Variants in PSMD1 observed in about 807,000 individuals in gnomAD.
PSMD1 encodes proteasome 26S subunit, non-ATPase 1.
PSMD1 carries 18 observed loss-of-function variants against 119.0 expected under a neutral mutation model. That is an observed-to-expected ratio of 0.15 (90% CI 0.10 to 0.22). The LOEUF (loss-of-function observed/expected upper bound fraction) is 0.22. Ranked by LOEUF, PSMD1 falls within the 10% of genes least tolerant of loss-of-function variation. PSMD1 has a pLI of 1.00. For synonymous variants in PSMD1, 374 were observed against 396.6 expected, an observed-to-expected ratio of 0.94 and a Z score of 0.68; for missense variants, 702 against 1,158.5, an observed-to-expected ratio of 0.61 and a Z score of 5.72.
chr2:231,109,670 A>G (rs1695089525), intron 16 of PSMD1, among the ~76,000 whole-genome samples: 2 of 152,242 alleles, frequency 1.3e-5, no homozygotes, highest in African/African-American at 4.8e-5. Context: ...TAGTATATCC[A>G]TGATACAGTG....
chr2:231,074,135 A>C, intron 7 of PSMD1, among the ~76,000 whole-genome samples: 1 of 152,096 alleles, frequency 6.6e-6, no homozygotes, highest in South Asian at 2.1e-4. Flanking sequence ...ACAGAGTCTC[A>C]GTCTTGTCAC....
intron 18 of PSMD1, among the ~76,000 whole-genome samples, chr2:231,146,814 C>G (rs994275747): frequency 6.6e-6 from 1 of 152,186 alleles, no homozygotes; most frequent in African/African-American, 2.4e-5. Context: ...GAAATGAGTA[C>G]ATCCACATTC....
intron 16 of PSMD1, among the ~76,000 whole-genome samples, chr2:231,098,192 G>T (rs139972683): frequency 3.9e-5 from 6 of 152,184 alleles, no homozygotes; most frequent in African/African-American, 1.4e-4. Flanking sequence ...ATTTTTGATA[G>T]GAAAGCTACA....
intron 18 of PSMD1, among the ~76,000 whole-genome samples, chr2:231,151,376 G>A (rs1016195993): frequency 1.3e-5 from 2 of 152,078 alleles, no homozygotes; most frequent in Admixed American, 6.6e-5. Flanking sequence ...GAAATTTAAT[G>A]TATGTCCTAA....
intron 16 of PSMD1, among the ~76,000 whole-genome samples, chr2:231,129,552 A>G (rs1447293179): frequency 1.3e-5 from 2 of 152,238 alleles, no homozygotes; most frequent in African/African-American, 2.4e-5. Context: ...TCTGAAGTCC[A>G]GGAAGATGAC....
At chr2:231,171,957 A>G (rs1696923888) in intron 24 of PSMD1, among the ~76,000 whole-genome samples, 2 of 152,192 alleles carry the variant, frequency 1.3e-5, no homozygotes, top group Non-Finnish European at 2.9e-5. Flanking sequence ...CTGACTAGCA[A>G]TTTAGGAAAG....
intron 16 of PSMD1, among the ~76,000 whole-genome samples, chr2:231,096,798 G>C (rs1559228462): frequency 6.6e-6 from 1 of 152,184 alleles, no homozygotes. Context: ...AGACCGCACA[G>C]GCTAAACTAA....
rs2125190120 is a variant in PSMD1 at position 231,097,996 on chromosome 2, C to G, written c.1883+10815C>G. Among the ~76,000 whole-genome samples, 3 of 152,326 alleles carry G rather than the reference C, an allele frequency of 2.0e-5. No individual in the cohort carries two copies. The South Asian group carries it at 6.2e-4, about 32-fold the overall frequency. ...TTAAGCTCACTGCATCCCTTCAGGT[C>G]TCCAAGGAATGCTAAGTTTCCTCCC... On this transcript the variant is annotated intron_variant, in intron 16 of 24. Coordinates refer to ENST00000308696, the MANE Select transcript of PSMD1 (RefSeq NM_002807.4).
At chr2:231,123,714 G>T (rs1294852919) in intron 16 of PSMD1, 3 of 1,613,928 alleles carry the variant, frequency 1.9e-6, no homozygotes, top group South Asian at 1.1e-5. Flanking sequence ...TCTGCAAAAT[G>T]TGCTCAGGAA....
chr2:231,061,965 A>G (rs190106150), intron 2 of PSMD1, among the ~76,000 whole-genome samples: 65 of 152,340 alleles, frequency 4.3e-4, no homozygotes, highest in African/African-American at 1.3e-3. Flanking sequence ...AAAATTTGGA[A>G]TGTCCTTCTG....
chr2:231,108,906 A>G (rs1695056774), intron 16 of PSMD1: 1 of 1,614,204 alleles, frequency 6.2e-7, no homozygotes. Context: ...GTTTGGTTAC[A>G]GGAATCACAT....
chr2:231,170,823 A>G lies in PSMD1; in HGVS notation c.*9+102A>G, dbSNP rs1164000203. The stretch of plus-strand genomic sequence containing the variant: ...CACGTTTTTCCTTCCTTTTGTGTTT[A>G]ATCCTTATTTACCTAAACAGTATTA... On this transcript the variant is annotated intron_variant, in intron 24 of 24. Transcript: ENST00000308696. This position sits in a 1 kb window ranked among gnomAD's most constrained non-coding sequence, Gnocchi z 4.1. The G allele has an allele frequency of 2.4e-6, 3 of 1,265,316 alleles. No individual in the cohort carries two copies. In the African/African-American group the frequency reaches 4.6e-5, roughly 19 times the overall value. The allele number at this position is 1,265,316 out of a possible 1,614,324, so 78.4% of individuals were successfully genotyped here.
chr2:231,114,553 C>A (rs1332225408), intron 16 of PSMD1, among the ~76,000 whole-genome samples: 1 of 152,026 alleles, frequency 6.6e-6, no homozygotes, highest in African/African-American at 2.4e-5. Context: ...GATTGTTTCC[C>A]CTTCTATATT....
At chr2:231,102,771 A>G (rs1559230875) in intron 16 of PSMD1, among the ~76,000 whole-genome samples, 1 of 151,062 alleles carries the variant, frequency 6.6e-6, no homozygotes, top group Non-Finnish European at 1.5e-5. Flanking sequence ...ATTTTTAGTG[A>G]AAAAAAAATT....
chr2:231,072,865 T>C (rs1289534083), intron 7 of PSMD1, among the ~76,000 whole-genome samples: 3 of 152,192 alleles, frequency 2.0e-5, no homozygotes, highest in Non-Finnish European at 4.4e-5. Context: ...TGATATGGTA[T>C]TAAAATTTTA....
rs1471290116 is a variant in PSMD1, at chr2:231,141,007, A to G, written c.1998+2157A>G. Among the ~76,000 whole-genome samples, 21 of 152,092 alleles carry G rather than the reference A, an allele frequency of 1.4e-4. 1 individual carries two copies. Among genetic ancestry groups the G allele is most frequent in the Admixed American group, 1.4e-3 (21 of 15,276 alleles). Reference sequence around the variant, plus strand: ...AACTTGGTGAAACCCCTTCTCTACTAAAAATACAAAAATTAACCTGCTGGG... The same window carrying G: ...AACTTGGTGAAACCCCTTCTCTACTGAAAATACAAAAATTAACCTGCTGGG... On this transcript the variant is annotated intron_variant, in intron 17 of 24. Transcript: ENST00000308696.
intron 1 of PSMD1, 83 bp downstream of exon 1, chr2:231,057,124 C>A: frequency 7.1e-7 from 1 of 1,403,652 alleles, no homozygotes; most frequent in Non-Finnish European, 9.2e-7. Context: ...GGTGACTGGG[C>A]GCCTCCCGGC....
chr2:231,109,358 G>T (rs1177241898), intron 16 of PSMD1: 2 of 1,614,052 alleles, frequency 1.2e-6, no homozygotes, highest in Non-Finnish European at 1.7e-6. Context: ...GATATTGTTT[G>T]GGTTGTCCAC....
intron 16 of PSMD1, among the ~76,000 whole-genome samples, chr2:231,102,326 G>T (rs1027361256): frequency 3.0e-4 from 46 of 152,074 alleles, no homozygotes; most frequent in African/African-American, 1.0e-3. Flanking sequence ...AAAGAATAAA[G>T]TTAAAATACA....
Sources: gnomAD v4.1 joint callset for allele counts (sites outside exome capture counted in the v4.1 genomes callset) on GRCh38, gnomAD v4.1.1 for gene constraint, Gnocchi (gnomAD v3.1) non-coding constraint, MANE v1.5 for transcripts, NCBI Gene and HGNC (gene_info 2026-07-23, HGNC 2026-07-21) for gene names.